ASCC2: variants seen among roughly 807,000 people sequenced by gnomAD.
ASCC2 encodes the protein ASC-1 complex subunit P100.
In ASCC2, 42 loss-of-function variants were observed where a neutral mutation model predicts 93.5. The observed-to-expected ratio is 0.45, with a 90% confidence interval of 0.35 to 0.58. The LOEUF is 0.58. ASCC2 is among the 20% of genes least tolerant of loss of function. The pLI is 0.00. For missense variants in ASCC2, 859 were observed against 977.6 expected, an observed-to-expected ratio of 0.88 and a Z score of 1.62; for synonymous variants, 364 against 384.2, an observed-to-expected ratio of 0.95 and a Z score of 0.62.
chr22:29,832,342 C>T lies in ASCC2; in HGVS notation c.-17G>A. ...AGCTGGCATTGTGCTGCGTGACCCT[C>T]CTGAAAGGAATATGGATGGGAAGAA... On this transcript the variant is annotated splice_region_variant and 5_prime_UTR_variant, in exon 2 of 20. Transcript: ENST00000307790. 6.2e-7 allele frequency: 1 copy of T among 1,607,218 alleles called. No individual in the cohort carries two copies. The highest frequency in any genetic ancestry group is 8.5e-7 in the Non-Finnish European group (1 of 1,173,934).
chr22:29,807,235 CAAAAAAAA>C (rs553545816), intron 9 of ASCC2, among the ~76,000 whole-genome samples: 25 of 46,476 alleles, frequency 5.4e-4, no homozygotes, highest in African/African-American at 1.4e-3. Flanking sequence ...GACCCTGTCT[CAAAAAAAA>C]AAAAAAAAAA....
chr22:29,789,179 C>G lies in ASCC2; in HGVS notation c.2108G>C (p.Arg703Pro). The G allele has an allele frequency of 6.2e-6, 10 of 1,614,096 alleles. No homozygotes were observed. The highest frequency in any genetic ancestry group is 8.5e-6 in the Non-Finnish European group (10 of 1,179,992). The change falls in exon 20 of 20, where the codon CGG (arginine) becomes CCG (proline). Residue 703 changes from arginine to proline, a missense_variant. Transcript: ENST00000307790. Reference protein sequence around the residue: ...RMAFLAKKGYRHDSSTAVAGS... With the variant: ...RMAFLAKKGYPHDSSTAVAGS... ...GGCCACTGCTGTTGAGCTGTCATGC[C>G]GGTACCTGAGGGAGGAACAACCCAC...
Position 29,793,389 on chromosome 22 carries a change from T to C in ASCC2, c.1890A>G (p.Ala630=), listed in dbSNP as rs753964419. Residue 630 remains alanine, a synonymous_variant, in exon 17 of 20, where the codon GCA becomes GCG. Coordinates refer to ENST00000307790, the MANE Select transcript of ASCC2 (RefSeq NM_032204.5). The part of the protein sequence containing the change: ...YDGNQVGAND[A]DSDDELISRR... ...GGCTGATGAGCTCGTCATCAGAGTC[T>C]GCATCATTGGCGCCCACCTGGTTGC... 3 of 1,613,970 alleles carry C rather than the reference T, an allele frequency of 1.9e-6. No homozygotes were observed. The highest frequency in any genetic ancestry group is 2.5e-6 in the Non-Finnish European group (3 of 1,180,012).
At chr22:29,792,733 G>A (rs1294913438) in intron 17 of ASCC2, among the ~76,000 whole-genome samples, 198 bp from the exon 18 acceptor site, 1 of 152,178 alleles carries the variant, frequency 6.6e-6, no homozygotes, top group Non-Finnish European at 1.5e-5. Flanking sequence ...TGGGGTTGAG[G>A]GGGAGACTGA....
chr22:29,825,557 C>G lies in ASCC2; in HGVS notation c.240+65G>C. 6.2e-7 allele frequency: 1 copy of G among 1,609,538 alleles called. No individual in the cohort carries two copies. ...GCACCTCCTAGGGGAAGAAAAACAA[C>G]AACAGCAACCAACCAATGGCATGTC... On this transcript the variant is annotated intron_variant, in intron 3 of 19. Coordinates refer to ENST00000307790, the MANE Select transcript of ASCC2 (RefSeq NM_032204.5). The surrounding 1 kb of genome is among the most constrained non-coding windows in gnomAD (Gnocchi z 4.9).
At chr22:29,807,235 C>CAAAAAA (rs553545816) in intron 9 of ASCC2, among the ~76,000 whole-genome samples, 2 of 46,466 alleles carry the variant, frequency 4.3e-5, no homozygotes, top group Admixed American at 2.4e-4. Context: ...GACCCTGTCT[C>CAAAAAA]AAAAAAAAAA....
At chr22:29,822,669 T>G (rs1050092748) in intron 4 of ASCC2, among the ~76,000 whole-genome samples, 10 of 150,366 alleles carry the variant, frequency 6.7e-5, no homozygotes, top group African/African-American at 2.2e-4. Context: ...TTTGTGTCTC[T>G]AGACTAAACA....
intron 5 of ASCC2, chr22:29,816,667 A>G (rs1243853144): frequency 6.6e-6 from 1 of 152,226 alleles, no homozygotes; most frequent in African/African-American, 2.4e-5. Flanking sequence ...AATTGTTCCT[A>G]TAAGATGAAG....
intron 15 of ASCC2, among the ~76,000 whole-genome samples, chr22:29,800,512 C>T (rs1259121198): frequency 1.3e-5 from 2 of 152,042 alleles, no homozygotes; most frequent in African/African-American, 4.8e-5. Context: ...AAATCATGAA[C>T]GGAATTTTCA....
chr22:29,793,812 GGTGAGGGC>G (rs2058080137), intron 15 of ASCC2, 136 bp from the exon 16 acceptor site: 1 of 859,474 alleles, frequency 1.2e-6, no homozygotes, highest in Non-Finnish European at 1.8e-6. Context: ...ATCAAGCATT[GGTGAGGGC>G]GTGGGAGGGT....
chr22:29,806,777 G>C lies in ASCC2; in HGVS notation c.1016+20C>G. ...TGGGGAGGAGACTCTTCCACCAGGA[G>C]GCAATTCGTGAGGGCTTACCTGCTT... On this transcript the variant is annotated intron_variant, in intron 10 of 19. Transcript: ENST00000307790. The C allele has an allele frequency of 6.3e-7, 1 of 1,581,546 alleles. No individual in the cohort carries two copies. The highest frequency in any genetic ancestry group is 8.7e-7 in the Non-Finnish European group (1 of 1,150,690).
chr22:29,793,474 C>T lies in ASCC2; in HGVS notation c.1805G>A (p.Gly602Asp), dbSNP rs908439553. 1 of 1,614,048 alleles carries T rather than the reference C, an allele frequency of 6.2e-7. No homozygotes were observed. The highest frequency in any genetic ancestry group is 8.5e-7 in the Non-Finnish European group (1 of 1,180,038). ...GACACTGTGGTAGGGCAGGCTCTCG[C>T]CTGGCTGCAGTGGCACCTGCAATGG... ...VVVEEVPLQP[G>D]ESLPYHSVYY... The change falls in exon 17 of 20, where the codon GGC becomes GAC. Residue 602 changes from glycine (G) to aspartate (D), a missense_variant. Coordinates refer to ENST00000307790, the MANE Select transcript of ASCC2 (RefSeq NM_032204.5).
At chr22:29,794,709 C>T (rs1430780993) in intron 15 of ASCC2, among the ~76,000 whole-genome samples, 1 of 152,136 alleles carries the variant, frequency 6.6e-6, no homozygotes, top group Non-Finnish European at 1.5e-5. Flanking sequence ...TGTATTAGAT[C>T]GTTGTGTGGT....
Position 29,827,856 on chromosome 22 carries a change from GACAC to G in ASCC2, c.82-2080_82-2077del, listed in dbSNP as rs5844871. ...ATACACCCAGACTACTCATTCTCCT[GACAC>G]ACACACACACACACACACACCAGGC... On this transcript the variant is annotated intron_variant, in intron 2 of 19. Coordinates refer to ENST00000307790, the MANE Select transcript of ASCC2 (RefSeq NM_032204.5). 3.2e-3 allele frequency among the ~76,000 whole-genome samples: 138 copies of G among 43,164 alleles called. 18 individuals are homozygous for G. The highest frequency in any genetic ancestry group is 9.3e-3 in the African/African-American group (120 of 12,874). 28.3% of individuals were successfully genotyped at this position (43,164 alleles called of 152,430 possible). A position where few individuals can be genotyped will look rare whatever the true frequency, so the allele number is the denominator to read the frequency against.
intron 1 of ASCC2, chr22:29,834,538 T>C (rs1248945169): frequency 2.1e-6 from 1 of 471,112 alleles, no homozygotes; most frequent in South Asian, 1.5e-5. Flanking sequence ...GGTCTCTGCA[T>C]ACACGAGGTG....
intron 1 of ASCC2, 142 bp from the exon 2 acceptor site, chr22:29,832,484 T>C: frequency 3.3e-6 from 2 of 615,118 alleles, no homozygotes; most frequent in South Asian, 4.3e-5. Context: ...AGGACCTGGT[T>C]CATGCACCTA....
At chr22:29,792,948 T>C (rs1363963676) in intron 17 of ASCC2, among the ~76,000 whole-genome samples, 1 of 152,050 alleles carries the variant, frequency 6.6e-6, no homozygotes, top group African/African-American at 2.4e-5. Context: ...GAGGTGAGAC[T>C]AGTCTGGGCA....
intron 12 of ASCC2, 113 bp downstream of exon 12, chr22:29,806,103 C>T (rs909571461): frequency 1.7e-6 from 2 of 1,182,562 alleles, no homozygotes; most frequent in African/African-American, 1.5e-5. Flanking sequence ...AGCTGGCTGA[C>T]CCATGCGTTC....
intron 1 of ASCC2, among the ~76,000 whole-genome samples, chr22:29,837,523 A>G (rs1017739557): frequency 1.3e-5 from 2 of 152,186 alleles, no homozygotes; most frequent in African/African-American, 4.8e-5. Context: ...CCACCACTGT[A>G]TTCCCCTGCC....
Sources: allele counts gnomAD v4.1 joint callset (sites outside exome capture counted in the v4.1 genomes callset), GRCh38; gene constraint gnomAD v4.1.1; non-coding constraint Gnocchi (gnomAD v3.1); transcripts MANE v1.5; gene names NCBI Gene and HGNC (gene_info 2026-07-23, HGNC 2026-07-21).